FGL1: variants seen among roughly 807,000 people sequenced by gnomAD.
FGL1 encodes the protein fibrinogen like 1, also known as fibrinogen-like protein 1.
FGL1 carries 59 observed loss-of-function variants against 43.7 expected under a neutral mutation model. That is an observed-to-expected ratio of 1.35 (90% CI 1.10 to 1.68). The LOEUF is 1.68. Ranked by LOEUF, FGL1 falls within the 40% of genes most tolerant of loss-of-function variation. The pLI, the probability that FGL1 is intolerant of heterozygous loss-of-function variation, is 0.00. For missense variants in FGL1, 596 were observed against 373.0 expected (o/e 1.60, Z -4.92); for synonymous variants, 192 against 126.5 (o/e 1.52, Z -3.48).
chr8:17,893,917 A>G (rs2053741400), intron 1 of FGL1, among the ~76,000 whole-genome samples: 2 of 147,218 alleles, frequency 1.4e-5, no homozygotes, highest in South Asian at 2.1e-4. Context: ...CTTTTATAAT[A>G]TTTTTGCCTT....
In FGL1 at chr8:17,864,544, C is replaced by T; in HGVS notation, c.*48G>A. 2 of 1,554,332 alleles carry T rather than the reference C, an allele frequency of 1.3e-6. No individual in the cohort carries two copies. Among genetic ancestry groups the T allele is most frequent in the Non-Finnish European group, 1.7e-6 (2 of 1,152,900 alleles). ...TGTTCAGAATGAGTATTTTTCAAAT[C>T]ACTTTAAACAAAGCTGAATTGCAGA... On this transcript the variant is annotated 3_prime_UTR_variant, in exon 8 of 8. Coordinates refer to ENST00000427924, the MANE Select transcript of FGL1 (RefSeq NM_004467.4).
At chr8:17,890,556 T>G (rs1408493889) in intron 1 of FGL1, among the ~76,000 whole-genome samples, 1 of 152,158 alleles carries the variant, frequency 6.6e-6, no homozygotes. Flanking sequence ...AGGTATTCCC[T>G]TCCCAGAGAT....
At chr8:17,892,093 A>G (rs1389617608) in intron 1 of FGL1, among the ~76,000 whole-genome samples, 2 of 152,208 alleles carry the variant, frequency 1.3e-5, no homozygotes, top group East Asian at 3.8e-4. Context: ...TTTTTGAGCA[A>G]AATTATAATA....
At position 17,864,703 on chromosome 8, in the gene FGL1, C is replaced by G. The variant is rs141323626; in HGVS notation, c.828G>C (p.Thr276=). ...AGACAATCCCATTGTCTGTTTTAGC[C>G]GTGTAGGGGCCGCTGTAGTATACAC... ...LNGVYYSGPY[T]AKTDNGIVWY... Residue 276 remains threonine (T), a synonymous_variant, in exon 8 of 8, where the codon ACG becomes ACC. Transcript: ENST00000427924. 6.8e-6 allele frequency: 11 copies of G among 1,612,776 alleles called. No individual in the cohort carries two copies. The highest frequency in any genetic ancestry group is 9.3e-6 in the Non-Finnish European group (11 of 1,179,650).
chr8:17,887,003 T>C (rs997400997), intron 1 of FGL1, among the ~76,000 whole-genome samples: 3 of 152,174 alleles, frequency 2.0e-5, no homozygotes, highest in Non-Finnish European at 2.9e-5. Context: ...CTGCTTCTCG[T>C]ACCCTTTCAG....
rs980457493 is a variant in FGL1 at position 17,868,470 on chromosome 8, A to G, written c.779+78T>C. On this transcript the variant is annotated intron_variant, in intron 7 of 7. Coordinates refer to ENST00000427924, the MANE Select transcript of FGL1 (RefSeq NM_004467.4). The stretch of plus-strand genomic sequence containing the variant: ...TATAAATAAAGACTAACATTACCAT[A>G]CATATTATATTGATAATTAATGTCT... 7 of 1,043,296 alleles carry G rather than the reference A, an allele frequency of 6.7e-6. No homozygotes were observed. The Admixed American group carries it at 8.2e-5, about 12-fold the overall frequency. 64.6% of individuals were successfully genotyped at this position (1,043,296 alleles called of 1,614,324 possible).
intron 3 of FGL1, among the ~76,000 whole-genome samples, chr8:17,878,495 GC>G: frequency 6.6e-6 from 1 of 152,296 alleles, no homozygotes; most frequent in East Asian, 1.9e-4. Flanking sequence ...AAGGGGAGAT[GC>G]TGGAGCCAGT....
At chr8:17,891,777 A>T (rs558761934) in intron 1 of FGL1, 66 of 983,728 alleles carry the variant, frequency 6.7e-5, no homozygotes, top group Middle Eastern at 1.0e-3. Context: ...AATTTATAAG[A>T]TGTCTTTATC....
intron 7 of FGL1, chr8:17,868,260 T>C (rs1419161426): frequency 4.7e-6 from 1 of 212,114 alleles, no homozygotes; most frequent in East Asian, 1.0e-4. Context: ...CTCTCTTTCT[T>C]TGTGTGAATT....
At chr8:17,869,847 C>T (rs1167685648) in intron 5 of FGL1, among the ~76,000 whole-genome samples, 1 of 152,182 alleles carries the variant, frequency 6.6e-6, no homozygotes, top group Non-Finnish European at 1.5e-5. Context: ...CGGTGGCTCA[C>T]GCCTGTAATC....
At chr8:17,873,963 A>AT in intron 5 of FGL1, 56 bp downstream of exon 5, 1 of 1,348,976 alleles carries the variant, frequency 7.4e-7, no homozygotes, top group Non-Finnish European at 1.0e-6. Flanking sequence ...TTAAAAAAAA[A>AT]TTTTAGTGTT....
intron 5 of FGL1, among the ~76,000 whole-genome samples, chr8:17,873,325 G>A (rs1216898597): frequency 6.6e-6 from 1 of 152,050 alleles, no homozygotes; most frequent in African/African-American, 2.4e-5. Context: ...AACAAGTCCA[G>A]GCTAGCTAGC....
At chr8:17,870,863 G>T (rs1160994691) in intron 5 of FGL1, among the ~76,000 whole-genome samples, 1 of 151,370 alleles carries the variant, frequency 6.6e-6, no homozygotes, top group Non-Finnish European at 1.5e-5. Flanking sequence ...CCGAGATCGC[G>T]CCACTGCACT....
chr8:17,868,736 C>T lies in FGL1; in HGVS notation c.592-1G>A. Reference sequence around the variant, plus strand: ...CCCCAATATTCAACTCGTAGAAATTCTAAAGAAAAAGGGCATTTCTGCTGT... The same window carrying T: ...CCCCAATATTCAACTCGTAGAAATTTTAAAGAAAAAGGGCATTTCTGCTGT... On this transcript the variant is annotated splice_acceptor_variant, in intron 6 of 7. Transcript: ENST00000427924. LOFTEE classifies it high-confidence loss of function. 1 of 1,604,644 alleles carries T rather than the reference C, an allele frequency of 6.2e-7. No individual in the cohort carries two copies. Among genetic ancestry groups the T allele is most frequent in the Non-Finnish European group, 8.5e-7 (1 of 1,176,258 alleles).
intron 3 of FGL1, among the ~76,000 whole-genome samples, chr8:17,878,556 A>G (rs2053490423): frequency 6.6e-6 from 1 of 152,140 alleles, no homozygotes; most frequent in South Asian, 2.1e-4. Flanking sequence ...TGTTCTTGCC[A>G]CCAGTTAATG....
intron 3 of FGL1, among the ~76,000 whole-genome samples, chr8:17,880,302 A>G (rs1258107837): frequency 6.6e-6 from 1 of 152,178 alleles, no homozygotes; most frequent in Non-Finnish European, 1.5e-5. Context: ...AAAAAAAGGG[A>G]GCATTTTAAG....
chr8:17,891,610 G>C, intron 1 of FGL1: 2 of 846,280 alleles, frequency 2.4e-6, no homozygotes, highest in Non-Finnish European at 2.8e-6. Flanking sequence ...CATGTTTTGG[G>C]GGCACAGCTG....
At chr8:17,877,391 T>C (rs1383508670) in intron 3 of FGL1, among the ~76,000 whole-genome samples, 1 of 152,236 alleles carries the variant, frequency 6.6e-6, no homozygotes, top group East Asian at 1.9e-4. Flanking sequence ...AGGCTGAATG[T>C]TTAAGCTCAT....
At chr8:17,865,655 T>C (rs1336374862) in intron 7 of FGL1, among the ~76,000 whole-genome samples, 1 of 152,244 alleles carries the variant, frequency 6.6e-6, no homozygotes, top group Non-Finnish European at 1.5e-5. Flanking sequence ...TTGTCCTTGA[T>C]ATGTATAATT....
Sources: gnomAD v4.1 joint callset for allele counts (sites outside exome capture counted in the v4.1 genomes callset) on GRCh38, gnomAD v4.1.1 for gene constraint, MANE v1.5 for transcripts, NCBI Gene and HGNC (gene_info 2026-07-23, HGNC 2026-07-21) for gene names.